The following TAF3 variants were observed in gnomAD, a reference collection of about 807,000 sequenced individuals.
The protein encoded by TAF3 is TATA-box binding protein associated factor 3.
TAF3 carries 7 observed loss-of-function variants against 80.6 expected under a neutral mutation model. The observed-to-expected ratio is 0.09, with a 90% CI of 0.05 to 0.16. The LOEUF (loss-of-function observed/expected upper bound fraction) is 0.16, where lower values mean the gene tolerates loss of function less well. TAF3 is among the 10% of genes least tolerant of loss of function. TAF3 has a pLI of 1.00. For synonymous variants in TAF3, 444 were observed against 446.1 expected (o/e 1.00, Z 0.06); for missense variants, 921 against 1,140.2 (o/e 0.81, Z 2.77).
chr10:7,974,201 T>A (rs887523371), intron 3 of TAF3, among the ~76,000 whole-genome samples: 6 of 151,478 alleles, frequency 4.0e-5, no homozygotes, highest in Admixed American at 3.9e-4. Flanking sequence ...GAATGCTAAC[T>A]AGTTATGCAA....
intron 2 of TAF3, among the ~76,000 whole-genome samples, chr10:7,848,827 A>G (rs765838066): frequency 2.0e-5 from 3 of 152,170 alleles, no homozygotes; most frequent in Non-Finnish European, 4.4e-5. Context: ...TATATGCCAC[A>G]TTTCATAACT....
chr10:7,869,592 C>T (rs1023197379), intron 2 of TAF3, among the ~76,000 whole-genome samples: 5 of 152,218 alleles, frequency 3.3e-5, no homozygotes, highest in African/African-American at 1.2e-4. Context: ...TTCTTAATCA[C>T]ACACATCCAT....
intron 2 of TAF3, among the ~76,000 whole-genome samples, chr10:7,855,100 C>G (rs896544421): frequency 6.6e-6 from 1 of 152,098 alleles, no homozygotes; most frequent in Non-Finnish European, 1.5e-5. Flanking sequence ...ACTGGAAAGT[C>G]GAGGGTCAAA....
chr10:7,890,557 A>G (rs981536487), intron 2 of TAF3, among the ~76,000 whole-genome samples: 1 of 152,226 alleles, frequency 6.6e-6, no homozygotes. Context: ...GCATTCATCT[A>G]TCTTTTCAGT....
intron 2 of TAF3, among the ~76,000 whole-genome samples, chr10:7,870,975 A>T (rs1837259606): frequency 6.6e-6 from 1 of 152,194 alleles, no homozygotes; most frequent in South Asian, 2.1e-4. Context: ...CATGACTTAG[A>T]TTGTATGTAT....
intron 2 of TAF3, among the ~76,000 whole-genome samples, chr10:7,870,088 GT>G (rs1837251075): frequency 6.6e-6 from 1 of 152,180 alleles, no homozygotes; most frequent in Non-Finnish European, 1.5e-5. Context: ...AAATAGTAAT[GT>G]AGGTATTGGC....
chr10:7,902,001 C>T (rs1179386713), intron 2 of TAF3, among the ~76,000 whole-genome samples: 8 of 152,096 alleles, frequency 5.3e-5, no homozygotes, highest in African/African-American at 1.2e-4. Flanking sequence ...ACTTTATGTT[C>T]GGAACCACTG....
intron 2 of TAF3, among the ~76,000 whole-genome samples, chr10:7,953,547 C>G (rs1405810279): frequency 6.6e-6 from 1 of 152,128 alleles, no homozygotes; most frequent in East Asian, 1.9e-4. Context: ...GCTCTGTGAA[C>G]CGATCCCAGG....
chr10:7,906,800 C>G (rs1837611946), intron 2 of TAF3, among the ~76,000 whole-genome samples: 1 of 151,098 alleles, frequency 6.6e-6, no homozygotes, highest in Admixed American at 6.6e-5. Flanking sequence ...CCAGGCTGGT[C>G]TCAAACTCCA....
At chr10:7,840,351 A>G (rs760984522) in intron 2 of TAF3, among the ~76,000 whole-genome samples, 14 of 151,820 alleles carry the variant, frequency 9.2e-5, no homozygotes, top group Non-Finnish European at 1.9e-4. Context: ...ATGGGGTTTC[A>G]CCGTGTTAGC....
At chr10:7,824,641 C>T (rs1836723950) in intron 2 of TAF3, 81 bp downstream of exon 2, 1 of 1,479,174 alleles carries the variant, frequency 6.8e-7, no homozygotes, top group Admixed American at 2.1e-5. Flanking sequence ...GCTATGTCAA[C>T]TTTATAAATT....
At chr10:7,963,092 T>TATTTC (rs1336347082) in intron 2 of TAF3, among the ~76,000 whole-genome samples, 1 of 152,152 alleles carries the variant, frequency 6.6e-6, no homozygotes, top group Non-Finnish European at 1.5e-5. Flanking sequence ...AAACCAAGTG[T>TATTTC]ATTTCATTGC....
chr10:7,858,200 CT>C (rs1373757134), intron 2 of TAF3, among the ~76,000 whole-genome samples: 1 of 152,114 alleles, frequency 6.6e-6, no homozygotes, highest in African/African-American at 2.4e-5. Context: ...TTAAGAATCA[CT>C]GTCTTTTCCC....
chr10:7,862,281 CAT>C (rs931905011), intron 2 of TAF3, among the ~76,000 whole-genome samples: 2 of 152,266 alleles, frequency 1.3e-5, no homozygotes, highest in African/African-American at 4.8e-5. Context: ...TGTTTTTTCA[CAT>C]GTCTAATAAT....
chr10:7,831,801 A>G (rs1339116095), intron 2 of TAF3, among the ~76,000 whole-genome samples: 1 of 152,156 alleles, frequency 6.6e-6, no homozygotes, highest in Non-Finnish European at 1.5e-5. Flanking sequence ...TAGACTCAGC[A>G]TGTATAGTCA....
chr10:7,918,459 G>C (rs1837732779), intron 2 of TAF3, among the ~76,000 whole-genome samples: 1 of 152,140 alleles, frequency 6.6e-6, no homozygotes, highest in Admixed American at 6.5e-5. Flanking sequence ...TTGAGGAAGA[G>C]GCACATGGGA....
chr10:7,956,542 T>C (rs997535449), intron 2 of TAF3, among the ~76,000 whole-genome samples: 2 of 152,156 alleles, frequency 1.3e-5, no homozygotes, highest in African/African-American at 4.8e-5. Context: ...CCTGGAACCA[T>C]TGATTGTTTA....
At chr10:7,852,312 A>T (rs1422763607) in intron 2 of TAF3, among the ~76,000 whole-genome samples, 1 of 152,240 alleles carries the variant, frequency 6.6e-6, no homozygotes, top group African/African-American at 2.4e-5. Flanking sequence ...CTCAAATGTT[A>T]TAAACGTTTG....
chr10:7,987,898 C>T (rs1464634516), intron 4 of TAF3, among the ~76,000 whole-genome samples: 1 of 152,056 alleles, frequency 6.6e-6, no homozygotes, highest in East Asian at 1.9e-4. Flanking sequence ...TCTGTAGGTC[C>T]TTGGTGCTGG....
Sources: gnomAD v4.1 joint callset for allele counts (sites outside exome capture counted in the v4.1 genomes callset) on GRCh38, gnomAD v4.1.1 for gene constraint, MANE v1.5 for transcripts, NCBI Gene and HGNC (gene_info 2026-07-23, HGNC 2026-07-21) for gene names.